MRM1: variants seen among roughly 807,000 people sequenced by gnomAD.
MRM1 encodes the protein rRNA methyltransferase 1, mitochondrial.
In MRM1, 24 loss-of-function variants were observed where a neutral mutation model predicts 25.0. That is an observed-to-expected ratio of 0.96 (90% CI 0.69 to 1.35). MRM1 has a LOEUF of 1.35. Among genes scored for constraint, MRM1 ranks in the 40% most tolerant of loss-of-function variants. The pLI is 0.00. For missense variants in MRM1, 431 were observed against 464.1 expected (o/e 0.93, Z 0.65); for synonymous variants, 188 against 199.2 (o/e 0.94, Z 0.47).
At chr17:36,610,067 A>T (rs1053337784), downstream of MRM1, among the ~76,000 whole-genome samples, 1 of 151,648 alleles carries the variant, frequency 6.6e-6, no homozygotes, top group African/African-American at 2.4e-5. Context: ...CTGGGACTAC[A>T]GGCGTGCACC....
the MRM1 span, among the ~76,000 whole-genome samples, chr17:36,617,978 G>A: frequency 1.0e-3 from 155 of 152,306 alleles, no homozygotes; most frequent in East Asian, 0.023. Flanking sequence ...GCTGGTTATC[G>A]ATTGGGGTGG....
the MRM1 span, chr17:36,634,093 C>G: frequency 2.6e-5 from 4 of 152,236 alleles, no homozygotes; most frequent in Admixed American, 2.6e-4. Flanking sequence ...CTTCTAGAGC[C>G]CAGCCAGCCT....
chr17:36,628,575 G>A, the MRM1 span, among the ~76,000 whole-genome samples: 6 of 152,226 alleles, frequency 3.9e-5, no homozygotes, highest in South Asian at 2.1e-4. Flanking sequence ...CCAGTGCTCC[G>A]AGACCAAGAG....
At chr17:36,625,240 G>A in the MRM1 span, among the ~76,000 whole-genome samples, 3 of 151,928 alleles carry the variant, frequency 2.0e-5, 1 homozygote, top group African/African-American at 7.3e-5. Context: ...ACTCCCTATT[G>A]CCTCCACGAT....
downstream of MRM1, among the ~76,000 whole-genome samples, chr17:36,610,149 A>G (rs1031069599): frequency 6.6e-6 from 1 of 151,902 alleles, no homozygotes; most frequent in African/African-American, 2.4e-5. Flanking sequence ...GCTGGTCTCA[A>G]ACTCCTGGCC....
At chr17:36,610,500 G>A (rs892968750), downstream of MRM1, among the ~76,000 whole-genome samples, 6 of 152,172 alleles carry the variant, frequency 3.9e-5, no homozygotes, top group Non-Finnish European at 8.8e-5. Flanking sequence ...CCAATGTGCT[G>A]GGATTACAGG....
chr17:36,621,693 A>C, the MRM1 span, among the ~76,000 whole-genome samples: 4 of 152,232 alleles, frequency 2.6e-5, no homozygotes, highest in Non-Finnish European at 5.9e-5. Context: ...CTCCCACCTC[A>C]GCCCCTCAAC....
chr17:36,620,574 C>T, the MRM1 span, among the ~76,000 whole-genome samples: 8 of 152,244 alleles, frequency 5.3e-5, no homozygotes, highest in East Asian at 7.7e-4. Context: ...TAGAGTTGTG[C>T]GAGACCTCAG....
chr17:36,602,861 C>A lies in MRM1; in HGVS notation c.636+215C>A. Reference sequence around the variant, plus strand: ...TCCTAGCGTTATACCCTTTCCTGCACCCCTTCCCCAGGTATGCACCACTTT... The same window carrying A: ...TCCTAGCGTTATACCCTTTCCTGCAACCCTTCCCCAGGTATGCACCACTTT... On this transcript the variant is annotated intron_variant, in intron 2 of 4. Transcript: ENST00000614766. This position sits in a 1 kb window ranked among gnomAD's most constrained non-coding sequence, Gnocchi z 4.1. 1.2e-6 allele frequency: 1 copy of A among 865,110 alleles called. No homozygotes were observed. Among genetic ancestry groups the A allele is most frequent in the Non-Finnish European group, 1.4e-6 (1 of 720,158 alleles). The allele number at this position is 865,110 out of a possible 1,614,324, so 53.6% of individuals were successfully genotyped here. A position where few individuals can be genotyped will look rare whatever the true frequency, so the allele number is the denominator to read the frequency against.
At chr17:36,609,128 G>A (rs1039418652), downstream of MRM1, among the ~76,000 whole-genome samples, 1 of 152,202 alleles carries the variant, frequency 6.6e-6, no homozygotes, top group Non-Finnish European at 1.5e-5. Flanking sequence ...GGCCCCCCAC[G>A]GGTGACTGAG....
At chr17:36,613,657 G>A (rs2074990505), downstream of MRM1, among the ~76,000 whole-genome samples, 1 of 152,246 alleles carries the variant, frequency 6.6e-6, no homozygotes, top group South Asian at 2.1e-4. Flanking sequence ...AGGGAGGCTT[G>A]GCGGCAAGGC....
At chr17:36,627,684 T>TG in the MRM1 span, among the ~76,000 whole-genome samples, 1 of 146,544 alleles carries the variant, frequency 6.8e-6, no homozygotes, top group Non-Finnish European at 1.5e-5. Flanking sequence ...GTTTTTTTTT[T>TG]TTTTTTTTTT....
the MRM1 span, among the ~76,000 whole-genome samples, chr17:36,615,006 G>A: frequency 6.6e-6 from 1 of 152,182 alleles, no homozygotes; most frequent in Admixed American, 6.5e-5. Flanking sequence ...TCCTTCCCCA[G>A]ATTGGGAAAG....
At chr17:36,630,084 G>A in the MRM1 span, among the ~76,000 whole-genome samples, 7 of 152,172 alleles carry the variant, frequency 4.6e-5, no homozygotes, top group Non-Finnish European at 1.0e-4. Flanking sequence ...CTTCCTAATC[G>A]TTTCTGCTTT....
At chr17:36,605,343 C>CTT (rs71159625) in intron 2 of MRM1, among the ~76,000 whole-genome samples, 13,336 of 144,762 alleles carry the variant, frequency 0.092, 1,092 homozygotes, top group African/African-American at 0.22. Flanking sequence ...TTTTCTTTTT[C>CTT]TTTTTTTTTT....
downstream of MRM1, among the ~76,000 whole-genome samples, chr17:36,609,530 G>T (rs1051956112): frequency 6.6e-6 from 1 of 152,156 alleles, no homozygotes; most frequent in Non-Finnish European, 1.5e-5. Flanking sequence ...CAGAATCCCC[G>T]ACCTATACGC....
chr17:36,624,598 G>A, the MRM1 span, among the ~76,000 whole-genome samples: 4 of 152,228 alleles, frequency 2.6e-5, no homozygotes, highest in African/African-American at 9.6e-5. The surrounding 1 kb of genome is among the most constrained non-coding windows in gnomAD (Gnocchi z 4.0). Context: ...GACTGGTGGA[G>A]GGGATGCTGG....
chr17:36,624,250 C>T, the MRM1 span, among the ~76,000 whole-genome samples: 1 of 152,178 alleles, frequency 6.6e-6, no homozygotes, highest in Non-Finnish European at 1.5e-5. The surrounding 1 kb of genome is among the most constrained non-coding windows in gnomAD (Gnocchi z 4.0). Context: ...GTATGACCAG[C>T]TGACGGGGGA....
the MRM1 span, among the ~76,000 whole-genome samples, chr17:36,614,450 T>C: frequency 9.9e-5 from 15 of 152,150 alleles, no homozygotes; most frequent in Non-Finnish European, 1.8e-4. Context: ...TGTCCCCCTC[T>C]CCTGAGGGTC....
Sources: gnomAD v4.1 joint callset for allele counts (sites outside exome capture counted in the v4.1 genomes callset) on GRCh38, gnomAD v4.1.1 for gene constraint, Gnocchi (gnomAD v3.1) non-coding constraint, MANE v1.5 for transcripts, NCBI Gene and HGNC (gene_info 2026-07-23, HGNC 2026-07-21) for gene names.